Variants in ARL13B observed in about 807,000 individuals in gnomAD.
The protein encoded by ARL13B is ARF like GTPase 13B, also known as ADP-ribosylation factor-like protein 13B.
In ARL13B, 36 loss-of-function variants were observed where a neutral mutation model predicts 56.1. That is an observed-to-expected ratio of 0.64 (90% CI 0.49 to 0.85). The LOEUF (loss-of-function observed/expected upper bound fraction) is 0.85. ARL13B is among the 40% of genes least tolerant of loss of function. The probability of loss-of-function intolerance (pLI) is 0.00; values close to 1 mark genes in which losing one functional copy is unlikely to be tolerated. For missense variants in ARL13B, 519 were observed against 507.1 expected (o/e 1.02, Z -0.23); for synonymous variants, 178 against 171.1 (o/e 1.04, Z -0.32).
At chr3:93,991,570 A>G (rs2075875550) in intron 1 of ARL13B, among the ~76,000 whole-genome samples, 1 of 152,126 alleles carries the variant, frequency 6.6e-6, no homozygotes, top group Admixed American at 6.6e-5. Flanking sequence ...GTGGAGACAG[A>G]GTCTCATTAT....
In ARL13B at chr3:94,055,170, G is replaced by A. The variant is rs1198120410; in HGVS notation, c.*1907G>A. The A allele has an allele frequency of 2.8e-6, 1 of 359,446 alleles. No homozygotes were observed. Among genetic ancestry groups the A allele is most frequent in the African/African-American group, 2.2e-5 (1 of 45,966 alleles). 22.3% of individuals were successfully genotyped at this position (359,446 alleles called of 1,614,324 possible). ...TTAAAAACATTTTAAAAAATGTTTTGTAAATCCAGGTGTATTTTAACAATT... is the reference window on the plus strand; with the variant it reads ...TTAAAAACATTTTAAAAAATGTTTTATAAATCCAGGTGTATTTTAACAATT... On this transcript the variant is annotated 3_prime_UTR_variant, in exon 10 of 10. Transcript: ENST00000394222.
At chr3:94,018,178 A>G (rs574512990) in intron 3 of ARL13B, among the ~76,000 whole-genome samples, 2 of 152,080 alleles carry the variant, frequency 1.3e-5, no homozygotes, top group South Asian at 4.2e-4. Flanking sequence ...GATTACAGGC[A>G]TAAGCCACCA....
intron 7 of ARL13B, chr3:94,047,803 T>C (rs2077005956): frequency 6.6e-6 from 1 of 152,226 alleles, no homozygotes; most frequent in African/African-American, 2.4e-5. Context: ...TTCTTCCAGT[T>C]GTTAGGCTTA....
At chr3:94,004,113 A>G (rs1408322711) in intron 3 of ARL13B, among the ~76,000 whole-genome samples, 1 of 152,152 alleles carries the variant, frequency 6.6e-6, no homozygotes, top group Non-Finnish European at 1.5e-5. Context: ...TAGAATTCTT[A>G]AAAGTGGATC....
intron 7 of ARL13B, chr3:94,047,999 G>GAC (rs5850922): frequency 0.052 from 7,445 of 142,156 alleles, 240 homozygotes; most frequent in African/African-American, 0.094. Context: ...ACATTGCATA[G>GAC]ACACACACAC....
intron 3 of ARL13B, among the ~76,000 whole-genome samples, chr3:94,024,260 TGCTAGTTGCCAC>T (rs2076509757): frequency 1.3e-5 from 2 of 152,224 alleles, no homozygotes; most frequent in African/African-American, 2.4e-5. Context: ...ATAGCTGAAG[TGCTAGTTGCCAC>T]ATTATTATTT....
At chr3:94,039,499 C>CAAAAAAAAAAAAAAAAAAAAA (rs11437061) in intron 5 of ARL13B, among the ~76,000 whole-genome samples, 1 of 65,286 alleles carries the variant, frequency 1.5e-5, no homozygotes, top group Non-Finnish European at 3.4e-5. Flanking sequence ...GACTCCGACT[C>CAAAAAAAAAAAAAAAAAAAAA]AAAAAAAAAA....
At chr3:94,029,338 A>ATATATATT (rs2076626952) in intron 3 of ARL13B, among the ~76,000 whole-genome samples, 5 of 59,022 alleles carry the variant, frequency 8.5e-5, no homozygotes, top group South Asian at 4.6e-4. Context: ...ATATATATTT[A>ATATATATT]TTTTTTTTTT....
rs541956956 is a variant in ARL13B, at chr3:94,043,000, T to C, written c.799-15T>C. ...AACCATCATAGTAAAGATAATGTAT[T>C]TTATTTTTTGTTAGAATGAAGGAAA... On this transcript the variant is annotated splice_polypyrimidine_tract_variant and intron_variant, in intron 6 of 9. Transcript: ENST00000394222. 2.5e-6 allele frequency: 4 copies of C among 1,578,252 alleles called. No homozygotes were observed. The highest frequency in any genetic ancestry group is 3.5e-6 in the Non-Finnish European group (4 of 1,157,540).
At chr3:94,046,557 G>A (rs567285814) in intron 7 of ARL13B, among the ~76,000 whole-genome samples, 11 of 151,596 alleles carry the variant, frequency 7.3e-5, no homozygotes, top group South Asian at 4.2e-4. Flanking sequence ...TCCATGTACC[G>A]TACTTTGCTT....
Position 94,030,383 on chromosome 3 carries a change from C to T in ARL13B, c.381-4948C>T, listed in dbSNP as rs192859415. Among the ~76,000 whole-genome samples the T allele has an allele frequency of 1.9e-4, 27 of 143,570 alleles. No homozygotes were observed. The East Asian group carries it at 2.2e-3, about 12-fold the overall frequency. The allele number at this position is 143,570 out of a possible 152,430, so 94.2% of individuals were successfully genotyped here. ...CTGGTATTACAGGTGCACGCCACCA[C>T]GCCTGGCTCATTTTTTTTTTTTTTT... is the stretch of plus-strand genomic sequence containing the variant. On this transcript the variant is annotated intron_variant, in intron 3 of 9. Transcript: ENST00000394222.
chr3:94,023,361 C>T (rs971404214), intron 3 of ARL13B, among the ~76,000 whole-genome samples: 3 of 151,868 alleles, frequency 2.0e-5, no homozygotes, highest in Non-Finnish European at 4.4e-5. Flanking sequence ...AAATTCTTGA[C>T]CTTTTTTTCA....
intron 2 of ARL13B, among the ~76,000 whole-genome samples, chr3:94,003,221 C>T (rs956791381): frequency 6.6e-6 from 1 of 152,106 alleles, no homozygotes; most frequent in South Asian, 2.1e-4. Flanking sequence ...TTTATAGCTT[C>T]TCTCATTCTT....
chr3:93,998,198 CACCTTCTTCTA>C (rs2075997993), intron 2 of ARL13B, among the ~76,000 whole-genome samples: 1 of 152,190 alleles, frequency 6.6e-6, no homozygotes, highest in Non-Finnish European at 1.5e-5. Flanking sequence ...GAGGCCATGA[CACCTTCTTCTA>C]ACCTTCTTTT....
chr3:93,987,845 C>T (rs1236008621), intron 1 of ARL13B, among the ~76,000 whole-genome samples: 2 of 151,860 alleles, frequency 1.3e-5, no homozygotes, highest in African/African-American at 4.8e-5. Context: ...AAGGTCTCAC[C>T]ATGTTGACCA....
At chr3:94,034,763 T>C (rs903800759) in intron 3 of ARL13B, among the ~76,000 whole-genome samples, 1 of 152,216 alleles carries the variant, frequency 6.6e-6, no homozygotes, top group Non-Finnish European at 1.5e-5. Context: ...TTTTTCTGTT[T>C]TGTTGGCATA....
chr3:94,028,612 T>C (rs938249552), intron 3 of ARL13B: 5 of 152,342 alleles, frequency 3.3e-5, no homozygotes, highest in African/African-American at 1.2e-4. Flanking sequence ...ACTTCACACC[T>C]GGAGAATCTG....
Position 94,043,073 on chromosome 3 carries a change from G to C in ARL13B, c.857G>C (p.Gly286Ala), listed in dbSNP as rs1378023901. 2 of 1,613,162 alleles carry C rather than the reference G, an allele frequency of 1.2e-6. No homozygotes were observed. The highest frequency in any genetic ancestry group is 3.3e-5 in the Admixed American group (2 of 59,952). Reference sequence around the variant, plus strand: ...CAAAAAATGGAGAAAGACAGTGATGGCTGCCACCTGAAACATAAAATGGAG... The same window carrying C: ...CAAAAAATGGAGAAAGACAGTGATGCCTGCCACCTGAAACATAAAATGGAG... ...KNQKMEKDSD[G>A]CHLKHKMEHE... is the part of the protein sequence containing the mutation. Residue 286 changes from glycine to alanine, a missense_variant, in exon 7 of 10, where the codon GGC becomes GCC. Coordinates refer to ENST00000394222, the MANE Select transcript of ARL13B (RefSeq NM_001174150.2).
intron 5 of ARL13B, among the ~76,000 whole-genome samples, chr3:94,037,219 T>C (rs1388590142): frequency 6.6e-6 from 1 of 152,200 alleles, no homozygotes; most frequent in African/African-American, 2.4e-5. Context: ...AGGCTTAATA[T>C]GTCAATAACG....
Sources: allele counts gnomAD v4.1 joint callset (sites outside exome capture counted in the v4.1 genomes callset), GRCh38; gene constraint gnomAD v4.1.1; transcripts MANE v1.5; gene names NCBI Gene and HGNC (gene_info 2026-07-23, HGNC 2026-07-21).